Variants in EFCAB5 observed in about 807,000 individuals in gnomAD.
EFCAB5 encodes the protein EF-hand calcium-binding domain-containing protein 5.
A neutral mutation model predicts 167.9 loss-of-function variants in EFCAB5; 131 were observed. That is an observed-to-expected ratio of 0.78 (90% CI 0.68 to 0.90). The LOEUF (loss-of-function observed/expected upper bound fraction) is 0.90. Among genes scored for constraint, EFCAB5 ranks in the 40% least tolerant of loss-of-function variants. EFCAB5 has a pLI of 0.00. For synonymous variants in EFCAB5, 574 were observed against 602.8 expected (o/e 0.95, Z 0.70); for missense variants, 1,663 against 1,745.2 (o/e 0.95, Z 0.84).
At position 30,054,472 on chromosome 17, in the gene EFCAB5, G is replaced by T. The variant is rs1239957771; in HGVS notation, c.2194+324G>T. On this transcript the variant is annotated intron_variant, in intron 10 of 22. Transcript: ENST00000394835. ...GTTTTAAATGTAATGTCTGATATTA[G>T]AAACCACTTTAAAAATTTTCTTTTA... Among the ~76,000 whole-genome samples, 6 of 152,136 alleles carry T rather than the reference G, an allele frequency of 3.9e-5. No homozygotes were observed. In the South Asian group the frequency reaches 1.0e-3, roughly 26 times the overall value.
At chr17:29,979,642 C>T (rs2068132532) in intron 4 of EFCAB5, among the ~76,000 whole-genome samples, 1 of 152,150 alleles carries the variant, frequency 6.6e-6, no homozygotes, top group Non-Finnish European at 1.5e-5. Flanking sequence ...GCTATAGCAC[C>T]ACTTTTGTCA....
chr17:30,029,738 G>C (rs1182001730), intron 7 of EFCAB5, among the ~76,000 whole-genome samples: 1 of 152,040 alleles, frequency 6.6e-6, no homozygotes, highest in Non-Finnish European at 1.5e-5. Context: ...AATACCGTTT[G>C]GAAGTTAATA....
chr17:29,931,001 T>C (rs2067185523), intron 1 of EFCAB5, among the ~76,000 whole-genome samples: 2 of 152,162 alleles, frequency 1.3e-5, no homozygotes, highest in South Asian at 2.1e-4. Context: ...CATTCTTTCA[T>C]AGACCTATGT....
At chr17:29,968,766 A>G in intron 3 of EFCAB5, 25 bp from the exon 4 acceptor site, 1 of 1,438,712 alleles carries the variant, frequency 7.0e-7, no homozygotes, top group Non-Finnish European at 9.1e-7. Context: ...AACATTTCTT[A>G]CATTTCACTT....
chr17:29,978,273 G>A (rs565819502), intron 4 of EFCAB5, among the ~76,000 whole-genome samples: 76 of 152,200 alleles, frequency 5.0e-4, no homozygotes, highest in Non-Finnish European at 1.0e-3. Flanking sequence ...CAGTAAAACA[G>A]ATTATGAGTG....
At chr17:29,973,561 C>A (rs540737399) in intron 4 of EFCAB5, among the ~76,000 whole-genome samples, 1 of 148,628 alleles carries the variant, frequency 6.7e-6, no homozygotes, top group Non-Finnish European at 1.5e-5. Context: ...CTCACTGCAA[C>A]CTCTGCCTCT....
Position 29,989,834 on chromosome 17 carries a change from G to A in EFCAB5, c.768-3331G>A, listed in dbSNP as rs539382950. Among the ~76,000 whole-genome samples the A allele has an allele frequency of 7.9e-5, 12 of 152,240 alleles. No homozygotes were observed. In the South Asian group the frequency reaches 2.5e-3, roughly 32 times the overall value. Reference sequence around the variant, plus strand: ...TGGCTTATCTGTTAACCATTTTAAAGGTATAGGTTCTGGAGGCTTAACAAT... The same window carrying A: ...TGGCTTATCTGTTAACCATTTTAAAAGTATAGGTTCTGGAGGCTTAACAAT... On this transcript the variant is annotated intron_variant, in intron 4 of 22. Transcript: ENST00000394835.
Position 30,053,565 on chromosome 17 carries a change from A to G in EFCAB5, c.1611A>G (p.Glu537=). ...QQGKKPTAEQ[E]LYIESVIEPG... The stretch of plus-strand genomic sequence containing the variant: ...GCAAAAAGCCAACTGCAGAGCAAGA[A>G]CTGTACATAGAATCAGTAATAGAAC... The change falls in exon 10 of 23, where the codon GAA becomes GAG. Residue 537 remains glutamate, a synonymous_variant. Coordinates refer to ENST00000394835, the MANE Select transcript of EFCAB5 (RefSeq NM_198529.4). The G allele has an allele frequency of 6.2e-7, 1 of 1,613,942 alleles. No homozygotes were observed. The highest frequency in any genetic ancestry group is 8.5e-7 in the Non-Finnish European group (1 of 1,179,880).
intron 7 of EFCAB5, among the ~76,000 whole-genome samples, chr17:30,011,589 T>C (rs1198046877): frequency 6.6e-6 from 1 of 152,228 alleles, no homozygotes; most frequent in Non-Finnish European, 1.5e-5. Context: ...AGTTCACTCA[T>C]GATTTGGCTC....
chr17:30,038,676 T>C (rs2069688753), intron 8 of EFCAB5, among the ~76,000 whole-genome samples: 1 of 152,220 alleles, frequency 6.6e-6, no homozygotes, highest in Admixed American at 6.5e-5. Context: ...TTGAAAATCT[T>C]TTATAAATAA....
At chr17:29,949,956 C>G (rs935049053) in intron 3 of EFCAB5, among the ~76,000 whole-genome samples, 3 of 152,158 alleles carry the variant, frequency 2.0e-5, no homozygotes, top group African/African-American at 4.8e-5. Flanking sequence ...TGAGCCATGA[C>G]AGATGGGTAG....
intron 6 of EFCAB5, among the ~76,000 whole-genome samples, chr17:29,998,205 C>T (rs1338825183): frequency 6.6e-6 from 1 of 152,158 alleles, no homozygotes; most frequent in Non-Finnish European, 1.5e-5. Flanking sequence ...AACCGTAATT[C>T]TTCAGTCAGC....
Position 30,080,128 on chromosome 17 carries a change from A to T in EFCAB5, c.3084A>T (p.Glu1028Asp), listed in dbSNP as rs2070953440. ...GTGCTCACATTTCCCTCTTAGAAGAAAACCTACTACTGCCTGAGAAAGGGA... is the reference window on the plus strand; with the variant it reads ...GTGCTCACATTTCCCTCTTAGAAGATAACCTACTACTGCCTGAGAAAGGGA... ...KISAHISLLE[E>D]NLLLPEKGNV... Residue 1028 changes from glutamate to aspartate, a missense_variant, in exon 16 of 23, where the codon GAA (glutamate) becomes GAT (aspartate). Physicochemically the swap from Glu to Asp is conservative, Grantham distance 45. Coordinates refer to ENST00000394835, the MANE Select transcript of EFCAB5 (RefSeq NM_198529.4). The T allele has an allele frequency of 6.2e-7, 1 of 1,613,596 alleles. No homozygotes were observed. Among genetic ancestry groups the T allele is most frequent in the African/African-American group, 1.3e-5 (1 of 74,900 alleles).
rs141012541 is a variant in EFCAB5, at chr17:30,030,363, G to A, written c.1045-3867G>A. ...TTTGTTTGTTTGTTTGTTTTGAGACGGAGTCTCGCTCGCTCTGTTGCCCAG... is the reference window on the plus strand; with the variant it reads ...TTTGTTTGTTTGTTTGTTTTGAGACAGAGTCTCGCTCGCTCTGTTGCCCAG... On this transcript the variant is annotated intron_variant, in intron 7 of 22. Transcript: ENST00000394835. Among the ~76,000 whole-genome samples, 578 of 152,222 alleles carry A rather than the reference G, an allele frequency of 3.8e-3. 5 individuals are homozygous for A. The highest frequency in any genetic ancestry group is 0.013 in the African/African-American group (555 of 41,526).
At chr17:30,103,846 C>T (rs543486320) in intron 22 of EFCAB5, among the ~76,000 whole-genome samples, 2 of 152,264 alleles carry the variant, frequency 1.3e-5, no homozygotes, top group East Asian at 3.9e-4. Context: ...GAAACCCCAT[C>T]TCTACTAATA....
At position 30,085,125 on chromosome 17, in the gene EFCAB5, T is replaced by C. The variant is rs142366116; in HGVS notation, c.3580-1938T>C. Among the ~76,000 whole-genome samples the C allele has an allele frequency of 1.4e-3, 210 of 152,296 alleles. 1 individual carries two copies. The highest frequency in any genetic ancestry group is 4.8e-3 in the African/African-American group (198 of 41,564). ...AAATTACCCAGCTGTGGCAATCTGC[T>C]TCCTTGTGATACCCTGACTGATACG... On this transcript the variant is annotated intron_variant, in intron 18 of 22. Transcript: ENST00000394835.
chr17:30,020,057 C>G (rs908537780), intron 7 of EFCAB5, among the ~76,000 whole-genome samples: 6 of 152,120 alleles, frequency 3.9e-5, no homozygotes, highest in African/African-American at 1.4e-4. Flanking sequence ...GCTTATTTCA[C>G]TTAGCATAAT....
intron 4 of EFCAB5, among the ~76,000 whole-genome samples, chr17:29,989,167 A>G (rs1457274458): frequency 2.0e-5 from 3 of 152,188 alleles, no homozygotes; most frequent in Non-Finnish European, 2.9e-5. Context: ...CTGTGGCACT[A>G]TTGTAGGGTC....
chr17:30,101,837 T>A (rs2071386787), intron 22 of EFCAB5, among the ~76,000 whole-genome samples: 1 of 152,202 alleles, frequency 6.6e-6, no homozygotes, highest in South Asian at 2.1e-4. Context: ...AAGTTGACAA[T>A]GTTGAAGACA....
Sources: allele counts gnomAD v4.1 joint callset (sites outside exome capture counted in the v4.1 genomes callset), GRCh38; gene constraint gnomAD v4.1.1; transcripts MANE v1.5; gene names NCBI Gene and HGNC (gene_info 2026-07-23, HGNC 2026-07-21).